The following CSMD1 variants were observed in gnomAD, a reference collection of about 807,000 sequenced individuals.
CSMD1 encodes the protein CUB and Sushi multiple domains 1.
In CSMD1, 213 loss-of-function variants were observed where a neutral mutation model predicts 417.5. The observed-to-expected ratio is 0.51, with a 90% CI of 0.46 to 0.57. The LOEUF is 0.57. Among genes scored for constraint, CSMD1 ranks in the 20% least tolerant of loss-of-function variants. CSMD1 has a pLI of 0.00. For missense variants in CSMD1, 6,923 were observed against 4,529.7 expected, an observed-to-expected ratio of 1.53 and a Z score of -15.17; for synonymous variants, 2,862 against 1,736.8, an observed-to-expected ratio of 1.65 and a Z score of -16.11.
chr8:3,064,433 A>G (rs1052112645), intron 49 of CSMD1, among the ~76,000 whole-genome samples: 39 of 152,160 alleles, frequency 2.6e-4, no homozygotes, highest in African/African-American at 8.7e-4. Flanking sequence ...GCTTTCTGCC[A>G]TGATTGTAAG....
At chr8:3,978,534 A>G (rs1008244787) in intron 5 of CSMD1, among the ~76,000 whole-genome samples, 26 of 152,218 alleles carry the variant, frequency 1.7e-4, no homozygotes, top group African/African-American at 5.5e-4. Flanking sequence ...CACTTATGTG[A>G]GTTTGGCAAA....
intron 3 of CSMD1, among the ~76,000 whole-genome samples, chr8:4,110,294 T>G (rs2130908040): frequency 6.6e-6 from 1 of 152,198 alleles, no homozygotes; most frequent in Non-Finnish European, 1.5e-5. Context: ...CAATTTTAAT[T>G]TATTTATCCA....
chr8:2,990,320 G>A (rs570820155), intron 54 of CSMD1, among the ~76,000 whole-genome samples: 12 of 152,244 alleles, frequency 7.9e-5, no homozygotes, highest in Non-Finnish European at 1.5e-4. Flanking sequence ...ATGAGTTAAC[G>A]TGATTGTTTC....
intron 3 of CSMD1, among the ~76,000 whole-genome samples, chr8:4,389,355 G>C (rs538926123): frequency 6.6e-6 from 1 of 152,266 alleles, no homozygotes; most frequent in East Asian, 1.9e-4. Flanking sequence ...GAGCTGATAT[G>C]TGGAGGGAGT....
chr8:4,085,417 G>T (rs1278457888), intron 3 of CSMD1, among the ~76,000 whole-genome samples: 6 of 152,170 alleles, frequency 3.9e-5, no homozygotes, highest in Admixed American at 2.0e-4. Context: ...TTACATTGTG[G>T]TGATTTTGAT....
chr8:4,424,324 G>C (rs1797421196), intron 2 of CSMD1, among the ~76,000 whole-genome samples: 1 of 151,848 alleles, frequency 6.6e-6, no homozygotes, highest in Non-Finnish European at 1.5e-5. Context: ...AATATACCAT[G>C]AACTCTCCAG....
chr8:3,523,978 C>T (rs900394224), intron 10 of CSMD1, among the ~76,000 whole-genome samples: 28 of 151,630 alleles, frequency 1.8e-4, no homozygotes, highest in Admixed American at 1.4e-3. Context: ...CATGCACACA[C>T]ACATGCACAC....
At position 4,326,841 on chromosome 8, in the gene CSMD1, G is replaced by A. The variant is rs563273048; in HGVS notation, c.415+93112C>T. On this transcript the variant is annotated intron_variant, in intron 3 of 69. Transcript: ENST00000635120. ...CTTTGAGATTCTTCTGAAAAAAAAA[G>A]GTCACAGGTGAAGCTTTGGGAAAGA... 2.7e-5 allele frequency among the ~76,000 whole-genome samples: 4 copies of A among 150,328 alleles called. No homozygotes were observed. In the East Asian group the frequency reaches 5.8e-4, roughly 22 times the overall value.
chr8:4,786,610 G>C (rs1305922598), intron 1 of CSMD1, among the ~76,000 whole-genome samples: 1 of 152,210 alleles, frequency 6.6e-6, no homozygotes, highest in African/African-American at 2.4e-5. Context: ...ACATTCGTAA[G>C]ATGATGCTTG....
intron 2 of CSMD1, among the ~76,000 whole-genome samples, chr8:4,443,947 G>C (rs551211534): frequency 6.6e-6 from 1 of 152,064 alleles, no homozygotes; most frequent in Non-Finnish European, 1.5e-5. Flanking sequence ...GCATATATTC[G>C]TGTGTGATAT....
At chr8:4,341,483 C>T (rs573907563) in intron 3 of CSMD1, among the ~76,000 whole-genome samples, 2 of 152,198 alleles carry the variant, frequency 1.3e-5, no homozygotes, top group Non-Finnish European at 1.5e-5. Context: ...GATCAAAGGA[C>T]AGACTACTCT....
intron 54 of CSMD1, among the ~76,000 whole-genome samples, chr8:2,990,762 G>A (rs1585104915): frequency 6.6e-6 from 1 of 152,156 alleles, no homozygotes. Flanking sequence ...AGAGCGAGAA[G>A]CGATGATAAT....
chr8:4,128,691 T>A (rs894428067), intron 3 of CSMD1, among the ~76,000 whole-genome samples: 1 of 152,026 alleles, frequency 6.6e-6, no homozygotes, highest in Non-Finnish European at 1.5e-5. Flanking sequence ...CCCCACAACC[T>A]CACGCCCACA....
At chr8:4,624,265 T>C (rs916293392) in intron 2 of CSMD1, among the ~76,000 whole-genome samples, 1 of 152,096 alleles carries the variant, frequency 6.6e-6, no homozygotes, top group African/African-American at 2.4e-5. Context: ...AACCATACCA[T>C]TGCAACACAA....
intron 26 of CSMD1, among the ~76,000 whole-genome samples, chr8:3,263,364 G>T (rs1406663425): frequency 6.6e-6 from 1 of 152,188 alleles, no homozygotes; most frequent in Admixed American, 6.5e-5. Flanking sequence ...CTGCCAAAGT[G>T]CTGGAATTAC....
rs370189465 is a variant in CSMD1, at chr8:3,671,803, G to C, written c.1009+36611C>G. Among the ~76,000 whole-genome samples, 4 of 151,836 alleles carry C rather than the reference G, an allele frequency of 2.6e-5. No homozygotes were observed. In the East Asian group the frequency reaches 5.9e-4, roughly 22 times the overall value. On this transcript the variant is annotated intron_variant, in intron 7 of 69. Coordinates refer to ENST00000635120, the MANE Select transcript of CSMD1 (RefSeq NM_033225.6). ...ATTGGAAAGAGCAGCCCTGGGCTTG[G>C]AGCCTAGAACTTCAGTTCTTGAGCA...
At chr8:4,889,477 A>G (rs930021474) in intron 1 of CSMD1, among the ~76,000 whole-genome samples, 2 of 152,088 alleles carry the variant, frequency 1.3e-5, no homozygotes, top group Non-Finnish European at 2.9e-5. Flanking sequence ...TTTTATTAAC[A>G]TTATTTTCCT....
At chr8:4,882,425 C>T (rs1172610456) in intron 1 of CSMD1, among the ~76,000 whole-genome samples, 2 of 151,556 alleles carry the variant, frequency 1.3e-5, no homozygotes, top group Non-Finnish European at 2.9e-5. Flanking sequence ...GCTTTAGCTT[C>T]AAATTCCGGA....
intron 3 of CSMD1, among the ~76,000 whole-genome samples, chr8:4,040,321 TTGAG>T (rs749237617): frequency 6.6e-6 from 1 of 152,196 alleles, no homozygotes; most frequent in Non-Finnish European, 1.5e-5. Context: ...TTTATATATA[TTGAG>T]TATGTATCAG....
Sources: gnomAD v4.1 joint callset for allele counts (sites outside exome capture counted in the v4.1 genomes callset) on GRCh38, gnomAD v4.1.1 for gene constraint, MANE v1.5 for transcripts, NCBI Gene and HGNC (gene_info 2026-07-23, HGNC 2026-07-21) for gene names.